The following KIAA1217 variants were observed in gnomAD, a reference collection of about 807,000 sequenced individuals.
KIAA1217 encodes the protein sickle tail protein homolog.
A neutral mutation model predicts 163.9 loss-of-function variants in KIAA1217; 88 were observed. The ratio of observed to expected loss-of-function variants is 0.54; its 90% CI spans 0.45 to 0.64. The LOEUF is 0.64. Ranked by LOEUF, KIAA1217 falls within the 30% of genes least tolerant of loss-of-function variation. The pLI, the probability that KIAA1217 is intolerant of heterozygous loss-of-function variation, is 0.00. For missense variants in KIAA1217, 2,372 were observed against 2,475.0 expected (o/e 0.96, Z 0.88); for synonymous variants, 903 against 923.1 (o/e 0.98, Z 0.39).
intron 11 of KIAA1217, among the ~76,000 whole-genome samples, chr10:24,521,548 A>G (rs935974400): frequency 1.3e-5 from 2 of 152,116 alleles, no homozygotes; most frequent in Non-Finnish European, 2.9e-5. Context: ...CTAATGGTCA[A>G]TTGGCTTTAT....
chr10:24,042,644 G>A (rs946401791), intron 2 of KIAA1217: 6 of 152,198 alleles, frequency 3.9e-5, no homozygotes, highest in African/African-American at 1.4e-4. Context: ...ATCCTGGAGT[G>A]TGTTGCTAAA....
intron 2 of KIAA1217, among the ~76,000 whole-genome samples, chr10:24,032,832 A>G (rs1040317621): frequency 2.0e-5 from 3 of 152,274 alleles, no homozygotes; most frequent in African/African-American, 7.2e-5. Context: ...GAAATAGCTT[A>G]TTTTTACCTC....
chr10:24,113,982 G>A (rs968991962), intron 2 of KIAA1217, among the ~76,000 whole-genome samples: 10 of 152,212 alleles, frequency 6.6e-5, no homozygotes, highest in Non-Finnish European at 2.9e-5. Context: ...CTGTGTGACT[G>A]CTCTGGTCAC....
At chr10:23,891,844 G>T (rs182059330) in intron 1 of KIAA1217, among the ~76,000 whole-genome samples, 1 of 151,872 alleles carries the variant, frequency 6.6e-6, no homozygotes, top group Non-Finnish European at 1.5e-5. Flanking sequence ...AATAGCCAAC[G>T]TGAAATATAT....
chr10:23,893,792 T>C (rs1423777826), intron 1 of KIAA1217, among the ~76,000 whole-genome samples: 3 of 152,102 alleles, frequency 2.0e-5, no homozygotes, highest in Non-Finnish European at 4.4e-5. Context: ...TTATCCATCA[T>C]GATCAAGTGG....
intron 1 of KIAA1217, among the ~76,000 whole-genome samples, chr10:23,924,108 G>A (rs980599473): frequency 6.6e-6 from 1 of 150,522 alleles, no homozygotes; most frequent in African/African-American, 2.4e-5. Flanking sequence ...AACAATAATT[G>A]TAAATATTTT....
At chr10:24,046,883 A>C (rs1276107545) in intron 2 of KIAA1217, among the ~76,000 whole-genome samples, 2 of 152,224 alleles carry the variant, frequency 1.3e-5, no homozygotes, top group African/African-American at 4.8e-5. Flanking sequence ...ACCTTTCTAC[A>C]CAAAAAAGCA....
intron 2 of KIAA1217, among the ~76,000 whole-genome samples, chr10:24,226,295 T>C (rs1426748707): frequency 3.9e-5 from 6 of 152,136 alleles, no homozygotes; most frequent in Non-Finnish European, 8.8e-5. Context: ...GGTCAAGCAA[T>C]AGAGCCATAG....
rs180729949 is a variant in KIAA1217, at chr10:24,004,153, T to C, written c.-320-3072T>C. Among the ~76,000 whole-genome samples, 469 of 152,152 alleles carry C rather than the reference T, an allele frequency of 3.1e-3. 6 individuals carry two copies. Among genetic ancestry groups the C allele is most frequent in the African/African-American group, 0.011 (446 of 41,516 alleles). On this transcript the variant is annotated intron_variant, in intron 1 of 18. Coordinates refer to the KIAA1217 transcript ENST00000376462. ...CACCACCACGCCTGGCTAATTTTTG[T>C]ATTTTAGTAGAGACGGGGTTTCACT...
At chr10:23,914,926 GT>G (rs1306248838) in intron 1 of KIAA1217, among the ~76,000 whole-genome samples, 1 of 152,154 alleles carries the variant, frequency 6.6e-6, no homozygotes, top group Non-Finnish European at 1.5e-5. Flanking sequence ...TTTTGGGTGA[GT>G]AGATGTAGGT....
intron 1 of KIAA1217, among the ~76,000 whole-genome samples, chr10:23,754,544 T>C (rs1032903740): frequency 6.6e-5 from 10 of 152,252 alleles, no homozygotes; most frequent in Non-Finnish European, 1.5e-4. Context: ...GATCTTCTGA[T>C]TCTGACAGCC....
chr10:24,118,290 TTGAG>T (rs1443200931), intron 2 of KIAA1217, among the ~76,000 whole-genome samples: 2 of 152,176 alleles, frequency 1.3e-5, no homozygotes, highest in East Asian at 3.9e-4. Flanking sequence ...TATAATGTTG[TTGAG>T]CCGCCTCCGC....
intron 1 of KIAA1217, among the ~76,000 whole-genome samples, chr10:23,966,385 T>G (rs1845068203): frequency 6.6e-6 from 1 of 152,106 alleles, no homozygotes; most frequent in African/African-American, 2.4e-5. Flanking sequence ...TGGAGAAAGT[T>G]TCATAGAAAA....
rs187744706 is a variant in KIAA1217, at chr10:23,718,227, T to C, written c.-321+22993T>C. Among the ~76,000 whole-genome samples, 59 of 152,330 alleles carry C rather than the reference T, an allele frequency of 3.9e-4. 1 individual carries two copies. In the East Asian group the frequency reaches 9.5e-3, roughly 24 times the overall value. ...TACCTTGCATGTCATCAATAGAAAG[T>C]GGGGCCACAGTAGTTAAAATAAGTG... On this transcript the variant is annotated intron_variant, in intron 1 of 18. Coordinates refer to the KIAA1217 transcript ENST00000376462.
chr10:23,829,802 A>C (rs1167330108), intron 1 of KIAA1217, among the ~76,000 whole-genome samples: 1 of 152,216 alleles, frequency 6.6e-6, no homozygotes, highest in East Asian at 1.9e-4. Flanking sequence ...AATGCCTTGC[A>C]TAGTTGTTAG....
intron 6 of KIAA1217, among the ~76,000 whole-genome samples, chr10:24,487,906 G>A (rs537539085): frequency 3.9e-4 from 59 of 152,312 alleles, no homozygotes; most frequent in Non-Finnish European, 7.1e-4. Context: ...CGTCAGTATA[G>A]CATGGGAACA....
At chr10:24,095,472 C>T (rs2062119446) in intron 2 of KIAA1217, among the ~76,000 whole-genome samples, 1 of 152,178 alleles carries the variant, frequency 6.6e-6, no homozygotes, top group Non-Finnish European at 1.5e-5. Context: ...CACCCCACCC[C>T]ACTGAACACA....
At chr10:24,017,181 T>A (rs1847522383) in intron 2 of KIAA1217, among the ~76,000 whole-genome samples, 1 of 151,918 alleles carries the variant, frequency 6.6e-6, no homozygotes, top group Non-Finnish European at 1.5e-5. Context: ...GCCTCTCAAG[T>A]AGCTGGGACT....
intron 1 of KIAA1217, among the ~76,000 whole-genome samples, chr10:23,856,275 A>G (rs915936903): frequency 1.5e-4 from 23 of 152,264 alleles, no homozygotes; most frequent in African/African-American, 5.1e-4. Context: ...CTAGAGGTCC[A>G]CTCCAGACCC....
Sources: gnomAD v4.1 joint callset for allele counts (sites outside exome capture counted in the v4.1 genomes callset) on GRCh38, gnomAD v4.1.1 for gene constraint, MANE v1.5 for transcripts, NCBI Gene and HGNC (gene_info 2026-07-23, HGNC 2026-07-21) for gene names.